The following SGO1 variants were observed in gnomAD, a reference collection of about 807,000 sequenced individuals.
SGO1 encodes the protein serologically defined breast cancer antigen NY-BR-85.
Under a neutral mutation model 50.5 loss-of-function variants are expected in SGO1, and 39 were observed. The ratio of observed to expected loss-of-function variants is 0.77; its 90% confidence interval spans 0.60 to 1.01. The LOEUF is 1.01. SGO1 is among the 50% of genes least tolerant of loss of function. The pLI, the probability that SGO1 is intolerant of heterozygous loss-of-function variation, is 0.00. For missense variants in SGO1, 638 were observed against 606.0 expected (o/e 1.05, Z -0.55); for synonymous variants, 191 against 205.1 (o/e 0.93, Z 0.59).
chr3:20,186,081 G>C lies in SGO1; in HGVS notation c.-141C>G, dbSNP rs1187966380. ...TACCTTGGCCACTACTTCTGCAACA[G>C]CTATCTTCCTCCTCCTCACATTTCA... On this transcript the variant is annotated 5_prime_UTR_variant, in exon 1 of 8. Transcript: ENST00000412997. The C allele has an allele frequency of 6.6e-6, 1 of 152,654 alleles. No individual in the cohort carries two copies. Among genetic ancestry groups the C allele is most frequent in the African/African-American group, 2.4e-5 (1 of 41,480 alleles). 9.5% of individuals were successfully genotyped at this position (152,654 alleles called of 1,614,324 possible). A position where few individuals can be genotyped will look rare whatever the true frequency, so the allele number is the denominator to read the frequency against.
In SGO1 at chr3:20,174,684, T is replaced by G; in HGVS notation, c.847A>C (p.Lys283Gln). Residue 283 changes from lysine (K) to glutamine (Q), a missense_variant, in exon 6 of 8, where the codon AAG becomes CAG. Coordinates refer to ENST00000412997, the MANE Select transcript of SGO1 (RefSeq NM_001199251.3). The stretch of plus-strand genomic sequence containing the variant: ...TTTCTTTCTTGTGTATCTCTTTGCT[T>G]ACTTTTAGTTTGTTCAGATTTAGAT... ...LESKSEQTKS[K>Q]QRDTQERKRE... 1.9e-6 allele frequency: 3 copies of G among 1,611,680 alleles called. No individual in the cohort carries two copies. The highest frequency in any genetic ancestry group is 2.5e-6 in the Non-Finnish European group (3 of 1,179,344).
At chr3:20,167,531 T>C (rs1004501567), downstream of SGO1, among the ~76,000 whole-genome samples, 1 of 152,116 alleles carries the variant, frequency 6.6e-6, no homozygotes, top group Admixed American at 6.5e-5. Flanking sequence ...TAATAATTCA[T>C]AAAGGAAGAA....
Position 20,171,249 on chromosome 3 carries a change from A to G in SGO1, c.1283-17T>C, listed in dbSNP as rs1376498295. 1 of 1,535,140 alleles carries G rather than the reference A, an allele frequency of 6.5e-7. No individual in the cohort carries two copies. The highest frequency in any genetic ancestry group is 8.7e-7 in the Non-Finnish European group (1 of 1,148,986). ...GTGGTGTAGCTACAAAACAATTTTT[A>G]CTGAATATGATTTAAAAAAAAAAAC... is the stretch of plus-strand genomic sequence containing the variant. On this transcript the variant is annotated splice_polypyrimidine_tract_variant and intron_variant, in intron 6 of 7. Coordinates refer to ENST00000412997, the MANE Select transcript of SGO1 (RefSeq NM_001199251.3).
Position 20,184,021 on chromosome 3 carries a change from T to C in SGO1, c.7A>G (p.Lys3Glu). The C allele has an allele frequency of 6.3e-7, 1 of 1,576,120 alleles. No homozygotes were observed. The highest frequency in any genetic ancestry group is 8.6e-7 in the Non-Finnish European group (1 of 1,168,558). MA[K>E]ERCLKKSFQD... ...AAGGACTTTTTCAGGCATCTTTCCT[T>C]GGCCATCTTTTGCCTAAACAATAAA... Residue 3 changes from lysine (K) to glutamate (E), a missense_variant, in exon 2 of 8, where the codon AAG becomes GAG. Physicochemically the swap from Lys to Glu is moderately conservative, Grantham distance 56. Coordinates refer to ENST00000412997, the MANE Select transcript of SGO1 (RefSeq NM_001199251.3).
Position 20,184,053 on chromosome 3 carries a change from T to A in SGO1, c.-7-19A>T. 3 of 1,541,858 alleles carry A rather than the reference T, an allele frequency of 1.9e-6. No individual in the cohort carries two copies. Among genetic ancestry groups the A allele is most frequent in the Non-Finnish European group, 2.6e-6 (3 of 1,153,770 alleles). ...CTTTTGCCTAAACAATAAAAAATATTTTTTCTCAGAGAGAATATTATCAAA... is the reference window on the plus strand; with the variant it reads ...CTTTTGCCTAAACAATAAAAAATATATTTTCTCAGAGAGAATATTATCAAA... On this transcript the variant is annotated intron_variant, in intron 1 of 7. Transcript: ENST00000412997.
intron 3 of SGO1, among the ~76,000 whole-genome samples, chr3:20,180,479 A>G (rs1323560386): frequency 6.6e-6 from 1 of 152,218 alleles, no homozygotes; most frequent in Non-Finnish European, 1.5e-5. Context: ...TGATGACTGA[A>G]ATGATCCAGT....
exon 9 of SGO1, chr3:20,161,212 A>T (rs767507650): frequency 1.2e-6 from 2 of 1,603,974 alleles, no homozygotes; most frequent in Admixed American, 1.7e-5. Context: ...TTGGCAGGTG[A>T]TACCTCCAGG....
At chr3:20,166,960 T>C (rs941455381), downstream of SGO1, among the ~76,000 whole-genome samples, 3 of 151,412 alleles carry the variant, frequency 2.0e-5, no homozygotes, top group African/African-American at 4.9e-5. Flanking sequence ...TGAGTTATGA[T>C]TGGCCACTGC....
At chr3:20,161,229 G>C in intron 8 of SGO1, 1 of 1,567,668 alleles carries the variant, frequency 6.4e-7, no homozygotes, top group Non-Finnish European at 8.6e-7. Flanking sequence ...CAGGGCTCCT[G>C]GTAAAAGCAA....
chr3:20,183,841 C>A, intron 2 of SGO1, 37 bp from the exon 3 acceptor site: 1 of 1,604,550 alleles, frequency 6.2e-7, no homozygotes, highest in Non-Finnish European at 8.5e-7. Context: ...GTTATTAAAT[C>A]TAAACTTAAA....
At chr3:20,186,569 G>C (rs1702688845), upstream of SGO1, 1 of 152,236 alleles carries the variant, frequency 6.6e-6, no homozygotes, top group South Asian at 2.1e-4. Context: ...CTCTTTGGTT[G>C]CCTGTTAAAG....
chr3:20,170,469 T>C lies in SGO1; in HGVS notation c.*235A>G, dbSNP rs1422851382. ...GCAGCATAAGAAATCGATATGATGA[T>C]AATGCTTAAGCTCAGTTATTTATAT... is the stretch of plus-strand genomic sequence containing the variant. On this transcript the variant is annotated 3_prime_UTR_variant, in exon 8 of 8. Coordinates refer to ENST00000412997, the MANE Select transcript of SGO1 (RefSeq NM_001199251.3). 1 of 1,084,614 alleles carries C rather than the reference T, an allele frequency of 9.2e-7. No individual in the cohort carries two copies. Among genetic ancestry groups the C allele is most frequent in the African/African-American group, 1.6e-5 (1 of 60,942 alleles). 67.2% of individuals were successfully genotyped at this position (1,084,614 alleles called of 1,614,324 possible). A position where few individuals can be genotyped will look rare whatever the true frequency, so the allele number is the denominator to read the frequency against.
chr3:20,170,128 G>T lies in SGO1; in HGVS notation c.*576C>A. 1 of 984,860 alleles carries T rather than the reference G, an allele frequency of 1.0e-6. No individual in the cohort carries two copies. 61.0% of individuals were successfully genotyped at this position (984,860 alleles called of 1,614,324 possible). Reference sequence around the variant, plus strand: ...TTGTATAAGATACATTTTGGGCTGGGCACAGTGGCTCAGTAATCCCAGCAC... The same window carrying T: ...TTGTATAAGATACATTTTGGGCTGGTCACAGTGGCTCAGTAATCCCAGCAC... On this transcript the variant is annotated 3_prime_UTR_variant, in exon 8 of 8. Coordinates refer to ENST00000412997, the MANE Select transcript of SGO1 (RefSeq NM_001199251.3).
At chr3:20,171,258 G>T in intron 6 of SGO1, 26 bp from the exon 7 acceptor site, 9 of 1,488,904 alleles carry the variant, frequency 6.0e-6, no homozygotes, top group Admixed American at 4.9e-5. Context: ...TACTGAATAT[G>T]ATTTAAAAAA....
chr3:20,170,399 CAA>C lies in SGO1; in HGVS notation c.*303_*304del, dbSNP rs574515660. The C allele has an allele frequency of 3.6e-3, 2,550 of 704,154 alleles. No homozygotes were observed. Among genetic ancestry groups the C allele is most frequent in the Middle Eastern group, 4.5e-3 (6 of 1,322 alleles). 43.6% of individuals were successfully genotyped at this position (704,154 alleles called of 1,614,324 possible). A position where few individuals can be genotyped will look rare whatever the true frequency, so the allele number is the denominator to read the frequency against. On this transcript the variant is annotated 3_prime_UTR_variant, in exon 8 of 8. Transcript: ENST00000412997. Reference sequence around the variant, plus strand: ...GGCAACAAGAATGAAATTCCGCCTCCAAAAAAAAAAAAAGATATATTTCGACT... The same window carrying C: ...GGCAACAAGAATGAAATTCCGCCTCCAAAAAAAAAAAGATATATTTCGACT...
At chr3:20,172,140 T>C (rs1700809871) in intron 6 of SGO1, among the ~76,000 whole-genome samples, 1 of 152,242 alleles carries the variant, frequency 6.6e-6, no homozygotes. Context: ...TTTGGAACAA[T>C]ATCAGATCAG....
intron 8 of SGO1, among the ~76,000 whole-genome samples, chr3:20,162,848 T>C (rs1224731238): frequency 1.4e-5 from 2 of 148,034 alleles, no homozygotes; most frequent in African/African-American, 4.9e-5. Flanking sequence ...CTGGATAGGA[T>C]TAATAGACGA....
At chr3:20,165,657 A>G (rs1188864453), downstream of SGO1, among the ~76,000 whole-genome samples, 1 of 152,238 alleles carries the variant, frequency 6.6e-6, no homozygotes, top group Non-Finnish European at 1.5e-5. Flanking sequence ...ACAGAGCAAA[A>G]AAAGAAAACA....
rs1456724210 is a variant in SGO1 at position 20,186,151 on chromosome 3, G to C, written c.-211C>G. ...AGCCACGGCTAGCCCCGCGCACTGG[G>C]CCCTCCAGGACCGTACCACCGTCCG... On this transcript the variant is annotated 5_prime_UTR_variant, in exon 1 of 8. Transcript: ENST00000412997. 6.6e-6 allele frequency: 1 copy of C among 152,566 alleles called. No individual in the cohort carries two copies. Among genetic ancestry groups the C allele is most frequent in the Admixed American group, 6.5e-5 (1 of 15,278 alleles). The allele number at this position is 152,566 out of a possible 1,614,324, so 9.5% of individuals were successfully genotyped here.
Sources: gnomAD v4.1 joint callset for allele counts (sites outside exome capture counted in the v4.1 genomes callset) on GRCh38, gnomAD v4.1.1 for gene constraint, MANE v1.5 for transcripts, NCBI Gene and HGNC (gene_info 2026-07-23, HGNC 2026-07-21) for gene names.